Variants in IKZF2 observed in about 807,000 individuals in gnomAD.
The protein encoded by IKZF2 is zinc finger protein Helios.
In IKZF2, 15 loss-of-function variants were observed where a neutral mutation model predicts 49.2. That is an observed-to-expected ratio of 0.30 (90% CI 0.20 to 0.47). The LOEUF (loss-of-function observed/expected upper bound fraction) is 0.47, where lower values mean the gene tolerates loss of function less well. IKZF2 is among the 20% of genes least tolerant of loss of function. The pLI, the probability that IKZF2 is intolerant of heterozygous loss-of-function variation, is 1.00. For missense variants in IKZF2, 567 were observed against 664.6 expected (o/e 0.85, Z 1.61); for synonymous variants, 227 against 221.4 (o/e 1.03, Z -0.23).
chr2:213,020,034 T>A (rs985804813), intron 7 of IKZF2, among the ~76,000 whole-genome samples: 3 of 152,152 alleles, frequency 2.0e-5, no homozygotes, highest in African/African-American at 7.2e-5. Context: ...CATAAATAAC[T>A]AGGAATGCAA....
At chr2:213,145,278 C>G (rs773485851) in intron 4 of IKZF2, among the ~76,000 whole-genome samples, 6 of 151,806 alleles carry the variant, frequency 4.0e-5, no homozygotes, top group Non-Finnish European at 8.8e-5. Context: ...CTACTAGAAA[C>G]TGTCTTAAAG....
At chr2:213,120,854 C>T (rs1283252892) in intron 4 of IKZF2, among the ~76,000 whole-genome samples, 1 of 152,160 alleles carries the variant, frequency 6.6e-6, no homozygotes, top group Non-Finnish European at 1.5e-5. Flanking sequence ...GATCCTCTCA[C>T]CTCAGCCCCT....
chr2:213,018,290 C>T (rs1238825437), intron 7 of IKZF2, among the ~76,000 whole-genome samples: 2 of 152,022 alleles, frequency 1.3e-5, no homozygotes, highest in African/African-American at 2.4e-5. Context: ...ATAAGCTCAT[C>T]AAACCCAATT....
intron 4 of IKZF2, among the ~76,000 whole-genome samples, chr2:213,057,817 A>G (rs1322378116): frequency 6.6e-6 from 1 of 152,180 alleles, no homozygotes; most frequent in Non-Finnish European, 1.5e-5. Context: ...CACACCAAAA[A>G]GCAGCTAATC....
At chr2:213,041,340 G>GC (rs1699623057) in intron 6 of IKZF2, among the ~76,000 whole-genome samples, 1 of 94,964 alleles carries the variant, frequency 1.1e-5, no homozygotes, top group Non-Finnish European at 2.9e-5. Flanking sequence ...ATCTTTTTTT[G>GC]GGGGGGGTGG....
Position 213,140,754 on chromosome 2 carries a change from C to T in IKZF2, c.139+6954G>A, listed in dbSNP as rs539645575. Among the ~76,000 whole-genome samples the T allele has an allele frequency of 1.1e-4, 16 of 151,940 alleles. 1 individual carries two copies. The highest frequency in any genetic ancestry group is 2.1e-4 in the Non-Finnish European group (14 of 67,878). On this transcript the variant is annotated intron_variant, in intron 4 of 8. Coordinates refer to ENST00000434687, the MANE Select transcript of IKZF2 (RefSeq NM_001387220.1). ...CATTAAGCAAAGAGTTTATTAAAGC[C>T]TGTGCACATAAAACTCAATATAGAA...
intron 4 of IKZF2, among the ~76,000 whole-genome samples, chr2:213,067,115 A>G (rs1467519964): frequency 6.6e-6 from 1 of 152,122 alleles, no homozygotes; most frequent in Non-Finnish European, 1.5e-5. Flanking sequence ...CCTAAGTTTC[A>G]ATTTTCTCAT....
chr2:213,132,170 A>C (rs2060495438), intron 4 of IKZF2, among the ~76,000 whole-genome samples: 1 of 152,248 alleles, frequency 6.6e-6, no homozygotes, highest in Non-Finnish European at 1.5e-5. Flanking sequence ...TTAGGTGCTA[A>C]AAGTCATATT....
chr2:213,018,595 T>C (rs1696865010), intron 7 of IKZF2, among the ~76,000 whole-genome samples: 1 of 152,154 alleles, frequency 6.6e-6, no homozygotes, highest in African/African-American at 2.4e-5. Flanking sequence ...GATTACCTCA[T>C]TAATAACAAA....
intron 4 of IKZF2, among the ~76,000 whole-genome samples, chr2:213,070,088 GA>G (rs894704089): frequency 3.3e-5 from 5 of 150,774 alleles, no homozygotes; most frequent in South Asian, 2.1e-4. Flanking sequence ...ACACTCAGAG[GA>G]AAAAAAAATT....
intron 6 of IKZF2, among the ~76,000 whole-genome samples, chr2:213,034,672 T>A (rs559540840): frequency 6.6e-6 from 1 of 152,126 alleles, no homozygotes; most frequent in Non-Finnish European, 1.5e-5. Flanking sequence ...AAAACAGTTA[T>A]AATAATAACA....
At chr2:213,037,319 AAAAG>A (rs1699128392) in intron 6 of IKZF2, among the ~76,000 whole-genome samples, 1 of 152,262 alleles carries the variant, frequency 6.6e-6, no homozygotes, top group East Asian at 1.9e-4. Context: ...ATAGAATTAT[AAAAG>A]AAAGGCTTAT....
intron 1 of IKZF2, among the ~76,000 whole-genome samples, chr2:213,150,713 GC>G (rs200524673): frequency 8.5e-5 from 10 of 118,138 alleles, no homozygotes; most frequent in South Asian, 3.4e-4. Flanking sequence ...GGGGGGGGGG[GC>G]GGGTAGAGGG....
chr2:213,149,939 G>C (rs1168776616), intron 2 of IKZF2, among the ~76,000 whole-genome samples: 1 of 152,022 alleles, frequency 6.6e-6, no homozygotes, highest in Admixed American at 6.6e-5. Flanking sequence ...GATCCGTAAA[G>C]TTTAAAAGAG....
chr2:213,030,308 ATTTTTTTAATGAAATGAT>A (rs1698270721), intron 6 of IKZF2, among the ~76,000 whole-genome samples: 1 of 151,790 alleles, frequency 6.6e-6, no homozygotes, highest in African/African-American at 2.4e-5. Flanking sequence ...CTCTAGGTTT[ATTTTTTTAATGAAATGAT>A]TAAGTGGGAA....
chr2:213,124,207 G>T (rs1384451127), intron 4 of IKZF2, among the ~76,000 whole-genome samples: 1 of 149,396 alleles, frequency 6.7e-6, no homozygotes, highest in African/African-American at 2.4e-5. Context: ...GAATGGCATG[G>T]GTGCATGTCC....
At position 213,014,002 on chromosome 2, in the gene IKZF2, T is replaced by C. The variant is rs780550836; in HGVS notation, c.713-68A>G. 2.2e-5 allele frequency: 32 copies of C among 1,456,632 alleles called. No individual in the cohort carries two copies. The Admixed American group carries it at 2.4e-4, about 11-fold the overall frequency. The allele number at this position is 1,456,632 out of a possible 1,614,324, so 90.2% of individuals were successfully genotyped here. A position where few individuals can be genotyped will look rare whatever the true frequency, so the allele number is the denominator to read the frequency against. ...ACATTTTGGATGATACAAAGCTGGA[T>C]ATGCCATCTCGATATGTGTTATAAA... is the stretch of plus-strand genomic sequence containing the variant. On this transcript the variant is annotated intron_variant, in intron 7 of 8. Transcript: ENST00000434687.
rs892114567 is a variant in IKZF2 at position 213,007,381 on chromosome 2, T to G, written c.1560A>C (p.Arg520=). The G allele has an allele frequency of 8.7e-6, 14 of 1,613,214 alleles. No individual in the cohort carries two copies. The African/African-American group carries it at 1.9e-4, about 22-fold the overall frequency. ...AGGCCTAGTGGAATGTGTGCTCCCC[T>G]CGAACAATGTGTGATGAAAACTCAT... The part of the protein sequence containing the change: ...DRYEFSSHIV[R]GEHTFH The change falls in exon 9 of 9, where the codon CGA becomes CGC. Residue 520 remains arginine (R), a synonymous_variant. Coordinates refer to ENST00000434687, the MANE Select transcript of IKZF2 (RefSeq NM_001387220.1).
chr2:213,096,130 T>C (rs1705960306), intron 4 of IKZF2, among the ~76,000 whole-genome samples: 1 of 151,928 alleles, frequency 6.6e-6, no homozygotes, highest in Admixed American at 6.6e-5. Flanking sequence ...TAAGGATATG[T>C]TACTTGATCA....
Sources: gnomAD v4.1 joint callset for allele counts (sites outside exome capture counted in the v4.1 genomes callset) on GRCh38, gnomAD v4.1.1 for gene constraint, MANE v1.5 for transcripts, NCBI Gene and HGNC (gene_info 2026-07-23, HGNC 2026-07-21) for gene names.